The following KCNAB1 variants were observed in gnomAD, a reference collection of about 807,000 sequenced individuals.
KCNAB1 encodes the protein potassium voltage-gated channel subfamily A regulatory beta subunit 1, also known as voltage-gated potassium channel subunit beta-1.
Under a neutral mutation model 64.6 loss-of-function variants are expected in KCNAB1, and 35 were observed. The ratio of observed to expected loss-of-function variants is 0.54; its 90% CI spans 0.41 to 0.72. The LOEUF (loss-of-function observed/expected upper bound fraction) is 0.72, where lower values mean the gene tolerates loss of function less well. Among genes scored for constraint, KCNAB1 ranks in the 30% least tolerant of loss-of-function variants. KCNAB1 has a pLI of 0.00. For missense variants in KCNAB1, 401 were observed against 512.9 expected, an observed-to-expected ratio of 0.78 and a Z score of 2.11; for synonymous variants, 177 against 183.8, an observed-to-expected ratio of 0.96 and a Z score of 0.30.
chr3:156,362,485 T>C (rs76114582), intron 1 of KCNAB1, among the ~76,000 whole-genome samples: 12,235 of 152,266 alleles, frequency 0.08, 503 homozygotes, highest in East Asian at 0.17. Context: ...TGGGTTTTAA[T>C]TGTTTACAGT....
At chr3:156,130,462 C>T (rs1713929765) in intron 1 of KCNAB1, among the ~76,000 whole-genome samples, 1 of 152,146 alleles carries the variant, frequency 6.6e-6, no homozygotes, top group Non-Finnish European at 1.5e-5. Context: ...TTAGATATTC[C>T]ATTGATTCCT....
intron 1 of KCNAB1, among the ~76,000 whole-genome samples, chr3:156,301,973 A>G (rs1229464115): frequency 6.6e-6 from 1 of 152,240 alleles, no homozygotes; most frequent in African/African-American, 2.4e-5. Context: ...AGTGTCTTAA[A>G]CTAACACAGA....
At chr3:156,285,008 A>AT (rs1194765295) in intron 1 of KCNAB1, among the ~76,000 whole-genome samples, 3 of 152,058 alleles carry the variant, frequency 2.0e-5, no homozygotes, top group African/African-American at 4.8e-5. Flanking sequence ...ACTTTAACCA[A>AT]TTTTTTTCTG....
At chr3:156,412,593 G>A (rs764458429) in intron 1 of KCNAB1, among the ~76,000 whole-genome samples, 21 of 152,222 alleles carry the variant, frequency 1.4e-4, no homozygotes, top group Non-Finnish European at 2.6e-4. Context: ...CAGGCTTGGA[G>A]TCTACAATCG....
chr3:156,345,672 T>C (rs1423181065), intron 1 of KCNAB1, among the ~76,000 whole-genome samples: 1 of 152,198 alleles, frequency 6.6e-6, no homozygotes, highest in Non-Finnish European at 1.5e-5. Context: ...GCTGGGACTT[T>C]GGTGGCTGGG....
chr3:156,534,780 C>T (rs1718942772), intron 13 of KCNAB1, among the ~76,000 whole-genome samples: 1 of 152,190 alleles, frequency 6.6e-6, no homozygotes, highest in Non-Finnish European at 1.5e-5. Flanking sequence ...AGTGTAACAT[C>T]AAGTTTGCAA....
intron 1 of KCNAB1, among the ~76,000 whole-genome samples, chr3:156,382,572 G>T (rs1231708379): frequency 2.0e-5 from 3 of 152,138 alleles, no homozygotes; most frequent in Non-Finnish European, 4.4e-5. Context: ...TGTGATACTG[G>T]TTGGTGCCAT....
intron 1 of KCNAB1, among the ~76,000 whole-genome samples, chr3:156,128,878 G>A (rs1466534848): frequency 6.6e-6 from 1 of 152,188 alleles, no homozygotes; most frequent in South Asian, 2.1e-4. Flanking sequence ...GCAAGGGTAA[G>A]TTTTAAAATA....
At chr3:156,532,649 C>T (rs1445934385) in intron 13 of KCNAB1, among the ~76,000 whole-genome samples, 1 of 152,178 alleles carries the variant, frequency 6.6e-6, no homozygotes, top group East Asian at 1.9e-4. Context: ...TTCCCCCAAC[C>T]TTTCTTAGGA....
At chr3:156,199,795 C>T (rs1279873628) in intron 1 of KCNAB1, among the ~76,000 whole-genome samples, 1 of 152,154 alleles carries the variant, frequency 6.6e-6, no homozygotes, top group Admixed American at 6.5e-5. Context: ...TTTGTTATTA[C>T]CCACCTTCTG....
At chr3:156,340,205 C>T (rs1255057681) in intron 1 of KCNAB1, among the ~76,000 whole-genome samples, 1 of 152,072 alleles carries the variant, frequency 6.6e-6, no homozygotes, top group Non-Finnish European at 1.5e-5. Context: ...AAAAGCCCAT[C>T]TTGACTAGAA....
At chr3:156,202,541 A>G (rs1388315145) in intron 1 of KCNAB1, among the ~76,000 whole-genome samples, 1 of 152,056 alleles carries the variant, frequency 6.6e-6, no homozygotes, top group African/African-American at 2.4e-5. Context: ...GCCATCTTGG[A>G]GCAGGAATCC....
At chr3:156,422,520 CAACA>C (rs1449136409) in intron 2 of KCNAB1, among the ~76,000 whole-genome samples, 1 of 152,008 alleles carries the variant, frequency 6.6e-6, no homozygotes. Context: ...TTTGCCTGAG[CAACA>C]GACAGGATGA....
At chr3:156,128,462 T>G (rs1379409779) in intron 1 of KCNAB1, among the ~76,000 whole-genome samples, 1 of 152,260 alleles carries the variant, frequency 6.6e-6, no homozygotes, top group Non-Finnish European at 1.5e-5. Context: ...CAGATATGTT[T>G]AATTTTTTAA....
At chr3:156,201,027 A>G (rs1407973305) in intron 1 of KCNAB1, among the ~76,000 whole-genome samples, 1 of 152,168 alleles carries the variant, frequency 6.6e-6, no homozygotes, top group Admixed American at 6.5e-5. Context: ...TATCTGGGCC[A>G]GATAGCACAG....
chr3:156,481,861 A>C (rs771339395), intron 8 of KCNAB1, among the ~76,000 whole-genome samples: 4 of 152,174 alleles, frequency 2.6e-5, no homozygotes, highest in Non-Finnish European at 4.4e-5. Flanking sequence ...TGAATGAGTT[A>C]ACAATGTGGT....
chr3:156,276,701 A>T (rs1719367900), intron 1 of KCNAB1, among the ~76,000 whole-genome samples: 1 of 152,090 alleles, frequency 6.6e-6, no homozygotes. Flanking sequence ...CTAGCTTTAA[A>T]CTTTTCATCT....
intron 11 of KCNAB1, among the ~76,000 whole-genome samples, chr3:156,519,426 C>G (rs1345155590): frequency 1.3e-5 from 2 of 152,154 alleles, no homozygotes; most frequent in Non-Finnish European, 2.9e-5. Flanking sequence ...AAATGTCCTT[C>G]TTTTCATTCT....
chr3:156,312,325 T>A (rs1188855253), intron 1 of KCNAB1, among the ~76,000 whole-genome samples: 12 of 152,060 alleles, frequency 7.9e-5, no homozygotes, highest in Admixed American at 7.2e-4. Context: ...TTCCCAGAGG[T>A]TTTAAATAGC....
Sources: allele counts gnomAD v4.1 joint callset (sites outside exome capture counted in the v4.1 genomes callset), GRCh38; gene constraint gnomAD v4.1.1; transcripts MANE v1.5; gene names NCBI Gene and HGNC (gene_info 2026-07-23, HGNC 2026-07-21).